Variants in ZNF385C observed in about 807,000 individuals in gnomAD.
ZNF385C encodes the protein CTD-2132N18.2.
ZNF385C carries 28 observed loss-of-function variants against 35.4 expected under a neutral mutation model. The ratio of observed to expected loss-of-function variants is 0.79; its 90% confidence interval spans 0.59 to 1.08. The LOEUF is 1.08. Among genes scored for constraint, ZNF385C ranks in the 50% least tolerant of loss-of-function variants. The pLI is 0.00. For synonymous variants in ZNF385C, 248 were observed against 248.2 expected, an observed-to-expected ratio of 1.00 and a Z score of 0.01; for missense variants, 605 against 595.6, an observed-to-expected ratio of 1.02 and a Z score of -0.16.
Position 42,026,917 on chromosome 17 carries a change from T to C in ZNF385C, c.1492A>G (p.Ile498Val), listed in dbSNP as rs1196437290. 1.2e-6 allele frequency: 2 copies of C among 1,600,866 alleles called. No homozygotes were observed. Among genetic ancestry groups the C allele is most frequent in the Non-Finnish European group, 1.7e-6 (2 of 1,173,508 alleles). ...AGAVRPATGP[I>V]VLAPY ...GAGGGCTAATAAGGGGCAAGGACGATAGGTCCTGTGGCAGGGCGGACAGCT... is the reference window on the plus strand; with the variant it reads ...GAGGGCTAATAAGGGGCAAGGACGACAGGTCCTGTGGCAGGGCGGACAGCT... Residue 498 changes from isoleucine to valine, a missense_variant, in exon 9 of 9, where the codon ATC becomes GTC. Transcript: ENST00000692273.
In ZNF385C at chr17:42,084,032, T is replaced by C. The variant is rs2053779631; in HGVS notation, c.-3+14378A>G. On this transcript the variant is annotated intron_variant, in intron 1 of 8. Coordinates refer to ENST00000692273, the MANE Select transcript of ZNF385C (RefSeq NM_001392013.1). ...CCATACCCAGCCACTTTTAAAGCCG[T>C]TTATCACTCTGGTTAAATAAATATT... Among the ~76,000 whole-genome samples, 9 of 152,130 alleles carry C rather than the reference T, an allele frequency of 5.9e-5. No homozygotes were observed. In the South Asian group the frequency reaches 1.9e-3, roughly 31 times the overall value.
intron 1 of ZNF385C, among the ~76,000 whole-genome samples, chr17:42,065,686 A>C (rs1220242296): frequency 6.6e-6 from 1 of 152,110 alleles, no homozygotes; most frequent in Non-Finnish European, 1.5e-5. Flanking sequence ...GCTCTTTGAA[A>C]TTTTATGTAT....
chr17:42,076,601 G>A (rs944267635), intron 1 of ZNF385C, among the ~76,000 whole-genome samples: 23 of 151,872 alleles, frequency 1.5e-4, no homozygotes, highest in South Asian at 4.2e-4. Context: ...CAGCCTGGGC[G>A]ATAAAATGAG....
At chr17:42,027,594 G>T in intron 8 of ZNF385C, 24 bp downstream of exon 8, 1 of 602,618 alleles carries the variant, frequency 1.7e-6, no homozygotes. Flanking sequence ...CCCAGTCCCA[G>T]CTCTGTTGCC....
At chr17:42,084,780 T>C (rs894320453) in intron 1 of ZNF385C, among the ~76,000 whole-genome samples, 1 of 151,460 alleles carries the variant, frequency 6.6e-6, no homozygotes, top group Non-Finnish European at 1.5e-5. Context: ...CCAGCTAATT[T>C]AAAAAAAAAT....
At chr17:42,047,451 A>C (rs1411212282) in intron 2 of ZNF385C, among the ~76,000 whole-genome samples, 1 of 152,078 alleles carries the variant, frequency 6.6e-6, no homozygotes, top group African/African-American at 2.4e-5. Flanking sequence ...CTGGGATTAC[A>C]GGCGCCTGGC....
intron 5 of ZNF385C, among the ~76,000 whole-genome samples, chr17:42,030,420 A>C (rs2052699988): frequency 6.6e-6 from 1 of 152,144 alleles, no homozygotes; most frequent in Admixed American, 6.5e-5. Flanking sequence ...CCCAGGAAGC[A>C]GAGGTTGCAG....
intron 2 of ZNF385C, among the ~76,000 whole-genome samples, chr17:42,059,987 G>C (rs2053437866): frequency 6.6e-6 from 1 of 152,146 alleles, no homozygotes; most frequent in Non-Finnish European, 1.5e-5. Context: ...GTGGGATTGG[G>C]AAGGGAGGAG....
intron 1 of ZNF385C, among the ~76,000 whole-genome samples, chr17:42,097,718 A>G (rs990477383): frequency 2.4e-4 from 37 of 152,084 alleles, no homozygotes; most frequent in African/African-American, 8.7e-4. Flanking sequence ...CCTTTCCTAC[A>G]GCCCAAATCC....
Position 42,029,087 on chromosome 17 carries a change from G to C in ZNF385C, c.677-14C>G, listed in dbSNP as rs1555654729. ...GGGCTGCAGGAACTGCTGCAGAGAT[G>C]GAAGAGTGTGAGACCCAAGATGACG... On this transcript the variant is annotated splice_polypyrimidine_tract_variant and intron_variant, in intron 5 of 8. Coordinates refer to ENST00000692273, the MANE Select transcript of ZNF385C (RefSeq NM_001392013.1). The C allele has an allele frequency of 1.3e-6, 2 of 1,545,486 alleles. No individual in the cohort carries two copies. Among genetic ancestry groups the C allele is most frequent in the African/African-American group, 2.7e-5 (2 of 72,982 alleles).
chr17:42,027,533 C>T (rs947950773), intron 8 of ZNF385C, 85 bp downstream of exon 8: 13 of 1,203,708 alleles, frequency 1.1e-5, no homozygotes, highest in Non-Finnish European at 4.5e-6. Context: ...TTTTCCTGCC[C>T]CACCGCAGCC....
intron 2 of ZNF385C, chr17:42,040,179 T>TGCGAAGGCGGCCACGGCGTCCA: frequency 1.6e-6 from 2 of 1,231,556 alleles, no homozygotes; most frequent in Non-Finnish European, 2.0e-6. Context: ...CGAAGATCGC[T>TGCGAAGGCGGCCACGGCGTCCA]GCGAAGGCGG....
intron 1 of ZNF385C, chr17:42,065,318 TC>T (rs1333519231): frequency 6.6e-6 from 1 of 152,226 alleles, no homozygotes; most frequent in Non-Finnish European, 1.5e-5. Flanking sequence ...ATCTCCACTG[TC>T]GAAGCCACTG....
At chr17:42,090,746 G>A (rs1278948140) in intron 1 of ZNF385C, among the ~76,000 whole-genome samples, 1 of 152,160 alleles carries the variant, frequency 6.6e-6, no homozygotes. Context: ...GCTGGGCACA[G>A]TGGTGGGCAC....
chr17:42,041,263 G>A (rs908339154), intron 2 of ZNF385C: 28 of 1,201,332 alleles, frequency 2.3e-5, no homozygotes, highest in Admixed American at 4.2e-5. Flanking sequence ...CAGGCAGTGC[G>A]GGGTGGTGGA....
At chr17:42,058,421 G>T (rs550688643) in intron 2 of ZNF385C, among the ~76,000 whole-genome samples, 2 of 152,202 alleles carry the variant, frequency 1.3e-5, no homozygotes, top group African/African-American at 4.8e-5. Flanking sequence ...CCAATGCAGC[G>T]CATTCAAGGC....
chr17:42,028,308 C>A (rs559960310), intron 6 of ZNF385C, 62 bp from the exon 7 acceptor site: 1 of 1,470,436 alleles, frequency 6.8e-7, no homozygotes, highest in Admixed American at 2.3e-5. Flanking sequence ...CACAGAGACC[C>A]CCTCCACACT....
chr17:42,038,155 C>T, intron 2 of ZNF385C: 1 of 1,343,356 alleles, frequency 7.4e-7, no homozygotes, highest in South Asian at 1.4e-5. Context: ...GCATACTGAA[C>T]CCCAGGGCAG....
intron 6 of ZNF385C, chr17:42,028,556 G>C (rs2052651195): frequency 1.6e-6 from 1 of 629,500 alleles, no homozygotes. Context: ...ACCCTTCAGA[G>C]ATTTAGCGAC....
Sources: gnomAD v4.1 joint callset for allele counts (sites outside exome capture counted in the v4.1 genomes callset) on GRCh38, gnomAD v4.1.1 for gene constraint, MANE v1.5 for transcripts, NCBI Gene and HGNC (gene_info 2026-07-23, HGNC 2026-07-21) for gene names.